CSGALNACT1: variants seen among roughly 807,000 people sequenced by gnomAD.
The protein encoded by CSGALNACT1 is beta4GalNAcT-1.
In CSGALNACT1, 52 loss-of-function variants were observed where a neutral mutation model predicts 51.0. That is an observed-to-expected ratio of 1.02 (90% CI 0.82 to 1.29). The LOEUF (loss-of-function observed/expected upper bound fraction) is 1.29. CSGALNACT1 is among the 50% of genes most tolerant of loss of function. CSGALNACT1 has a pLI of 0.00. For synonymous variants in CSGALNACT1, 341 were observed against 254.4 expected (o/e 1.34, Z -3.24); for missense variants, 935 against 679.2 (o/e 1.38, Z -4.19).
intron 1 of CSGALNACT1, among the ~76,000 whole-genome samples, chr8:19,666,887 G>GGA (rs762712394): frequency 3.2e-4 from 40 of 125,104 alleles, no homozygotes; most frequent in African/African-American, 1.2e-3. Flanking sequence ...GAAAGAAAGA[G>GGA]AGAGAGGAAG....
chr8:19,748,979 A>T (rs963978134), intron 1 of CSGALNACT1, among the ~76,000 whole-genome samples: 5 of 147,084 alleles, frequency 3.4e-5, no homozygotes, highest in African/African-American at 5.0e-5. Flanking sequence ...AAAAAAAAAC[A>T]TTAAGGAACT....
upstream of CSGALNACT1, among the ~76,000 whole-genome samples, chr8:19,605,701 G>C (rs1320681399): frequency 6.6e-6 from 1 of 152,176 alleles, no homozygotes; most frequent in Non-Finnish European, 1.5e-5. Context: ...AAGTTTTTCA[G>C]TTGGGACTCT....
At chr8:19,622,828 G>A (rs938091083) in intron 1 of CSGALNACT1, among the ~76,000 whole-genome samples, 1 of 152,150 alleles carries the variant, frequency 6.6e-6, no homozygotes, top group Non-Finnish European at 1.5e-5. Context: ...AGAAATGGGT[G>A]AGAAAAATAG....
chr8:19,643,637 T>C (rs1189085429), intron 1 of CSGALNACT1, among the ~76,000 whole-genome samples: 1 of 141,966 alleles, frequency 7.0e-6, no homozygotes, highest in Non-Finnish European at 1.5e-5. Flanking sequence ...GACACCATCT[T>C]AAAAAAAAAA....
At chr8:19,504,594 G>A (rs751327259) in intron 4 of CSGALNACT1, among the ~76,000 whole-genome samples, 11 of 152,276 alleles carry the variant, frequency 7.2e-5, no homozygotes, top group Middle Eastern at 3.4e-3. Context: ...AAGATGAGCC[G>A]TCATCTCACT....
In CSGALNACT1 at chr8:19,505,666, A is replaced by AC. The variant is rs749011747; in HGVS notation, c.168dup (p.Tyr57ValfsTer35). 15 of 1,613,972 alleles carry AC rather than the reference A, an allele frequency of 9.3e-6. No homozygotes were observed. Among genetic ancestry groups the AC allele is most frequent in the Non-Finnish European group, 1.3e-5 (15 of 1,179,998 alleles). On this transcript the variant is annotated frameshift_variant, in exon 4 of 10. Transcript: ENST00000454498. LOFTEE classifies it high-confidence loss of function. ...TCCCACTCCTGAAGGACGGCCTGGT[A>AC]CCCCTCCTTCCCCGTGGGGCTGTTG... is the stretch of plus-strand genomic sequence containing the variant.
chr8:19,671,911 T>A (rs932739378), intron 1 of CSGALNACT1, among the ~76,000 whole-genome samples: 1 of 152,232 alleles, frequency 6.6e-6, no homozygotes, highest in Non-Finnish European at 1.5e-5. Context: ...CTGCAGAGAA[T>A]TCCATCTCAT....
At chr8:19,627,922 T>C (rs1472147883) in intron 1 of CSGALNACT1, among the ~76,000 whole-genome samples, 3 of 152,188 alleles carry the variant, frequency 2.0e-5, no homozygotes, top group Non-Finnish European at 4.4e-5. Context: ...GTCTTGGTCT[T>C]GATAAAGTAC....
chr8:19,744,036 C>T (rs546232298), intron 1 of CSGALNACT1, among the ~76,000 whole-genome samples: 183 of 152,282 alleles, frequency 1.2e-3, no homozygotes, highest in African/African-American at 4.1e-3. Flanking sequence ...AATGGTAATG[C>T]CAGGCTTGCC....
intron 1 of CSGALNACT1, among the ~76,000 whole-genome samples, chr8:19,621,190 CA>C (rs2053780058): frequency 6.6e-6 from 1 of 152,030 alleles, no homozygotes; most frequent in Non-Finnish European, 1.5e-5. Flanking sequence ...AGTCAGTTGA[CA>C]CAATGATAAA....
chr8:19,618,900 G>T (rs538186626), intron 1 of CSGALNACT1, among the ~76,000 whole-genome samples: 9 of 152,000 alleles, frequency 5.9e-5, no homozygotes, highest in Admixed American at 3.9e-4. Context: ...ATTCTCTACC[G>T]CTGTAAGAGA....
intron 1 of CSGALNACT1, among the ~76,000 whole-genome samples, chr8:19,743,330 G>A (rs187522869): frequency 6.6e-6 from 1 of 152,142 alleles, no homozygotes; most frequent in African/African-American, 2.4e-5. Context: ...ATGACAGTCA[G>A]CCCAGATTAC....
At chr8:19,666,986 A>AG (rs1417306309) in intron 1 of CSGALNACT1, among the ~76,000 whole-genome samples, 3 of 17,710 alleles carry the variant, frequency 1.7e-4, no homozygotes, top group African/African-American at 8.5e-4. Context: ...AAAGAAAGAA[A>AG]GAAAGAAAGA....
chr8:19,684,778 A>G (rs2060879969), upstream of CSGALNACT1, among the ~76,000 whole-genome samples: 1 of 152,150 alleles, frequency 6.6e-6, no homozygotes, highest in Non-Finnish European at 1.5e-5. Flanking sequence ...ACCACCTAAA[A>G]AGAGCTCAGA....
chr8:19,505,640 C>T, exon 4 of CSGALNACT1: 1 of 1,614,142 alleles, frequency 6.2e-7, no homozygotes, highest in Non-Finnish European at 8.5e-7. Flanking sequence ...GGTGCTGCTC[C>T]TCCCACTCCT....
At chr8:19,602,756 G>A (rs1340449677), upstream of CSGALNACT1, 2 of 152,134 alleles carry the variant, frequency 1.3e-5, no homozygotes, top group African/African-American at 2.4e-5. Flanking sequence ...GATAAAAGCA[G>A]AATGGGAAAG....
chr8:19,585,647 C>T (rs2046458299), intron 3 of CSGALNACT1, among the ~76,000 whole-genome samples: 1 of 152,148 alleles, frequency 6.6e-6, no homozygotes, highest in Non-Finnish European at 1.5e-5. Flanking sequence ...TCTTACTGTG[C>T]CACTTCCTGC....
chr8:19,666,809 A>AAGAAAGAAAGAAAGAAAG (rs1564383214), intron 1 of CSGALNACT1, among the ~76,000 whole-genome samples: 27 of 25,104 alleles, frequency 1.1e-3, no homozygotes, highest in Admixed American at 2.9e-3. Context: ...GAAAGAAAGA[A>AAGAAAGAAAGAAAGAAAG]AGAGAGAGAG....
intron 1 of CSGALNACT1, among the ~76,000 whole-genome samples, chr8:19,611,507 C>A (rs984480860): frequency 7.2e-5 from 11 of 152,174 alleles, no homozygotes; most frequent in Admixed American, 3.3e-4. Flanking sequence ...CGTATATAAT[C>A]TTCACTCTCT....
Sources: allele counts gnomAD v4.1 joint callset (sites outside exome capture counted in the v4.1 genomes callset), GRCh38; gene constraint gnomAD v4.1.1; transcripts MANE v1.5; gene names NCBI Gene and HGNC (gene_info 2026-07-23, HGNC 2026-07-21).